EFCAB5: variants seen among roughly 807,000 people sequenced by gnomAD.
EFCAB5 encodes EF-hand calcium-binding domain-containing protein 5.
A neutral mutation model predicts 167.9 loss-of-function variants in EFCAB5; 131 were observed. That is an observed-to-expected ratio of 0.78 (90% CI 0.68 to 0.90). EFCAB5 has a LOEUF of 0.90. Ranked by LOEUF, EFCAB5 falls within the 40% of genes least tolerant of loss-of-function variation. The probability of loss-of-function intolerance (pLI) is 0.00; values close to 1 mark genes in which losing one functional copy is unlikely to be tolerated. For synonymous variants in EFCAB5, 574 were observed against 602.8 expected (o/e 0.95, Z 0.70); for missense variants, 1,663 against 1,745.2 (o/e 0.95, Z 0.84).
chr17:30,090,256 C>A, intron 19 of EFCAB5, 165 bp from the exon 20 acceptor site: 1 of 875,998 alleles, frequency 1.1e-6, no homozygotes, highest in Admixed American at 3.1e-5. Context: ...AAACAGACAG[C>A]CATGTGAAAT....
Position 30,092,812 on chromosome 17 carries a change from T to C in EFCAB5, c.4225-28T>C, listed in dbSNP as rs778769804. 6.5e-6 allele frequency: 10 copies of C among 1,547,192 alleles called. No homozygotes were observed. The Admixed American group carries it at 1.8e-4, about 27-fold the overall frequency. On this transcript the variant is annotated intron_variant, in intron 21 of 22. Coordinates refer to ENST00000394835, the MANE Select transcript of EFCAB5 (RefSeq NM_198529.4). ...GTATTTCTGCTTCCTGGTGATCCCA[T>C]AAATTTTCTCTTGTTGTTTGTTCAC...
intron 3 of EFCAB5, among the ~76,000 whole-genome samples, chr17:29,951,513 A>ATT (rs113648292): frequency 2.9e-4 from 42 of 143,898 alleles, no homozygotes; most frequent in African/African-American, 2.9e-4. Context: ...AATTTTTTGT[A>ATT]TTTTTTTTTT....
chr17:30,017,382 T>C (rs1437152771), intron 7 of EFCAB5, among the ~76,000 whole-genome samples: 1 of 152,222 alleles, frequency 6.6e-6, no homozygotes, highest in Non-Finnish European at 1.5e-5. Context: ...AAGATGAGAA[T>C]TTTTAAATCA....
chr17:29,974,606 CT>C (rs2068027139), intron 4 of EFCAB5, among the ~76,000 whole-genome samples: 1 of 151,194 alleles, frequency 6.6e-6, no homozygotes, highest in Admixed American at 6.6e-5. Context: ...ATGCAAAAAA[CT>C]AGAAAAAAAC....
chr17:29,994,167 T>TATATAC lies in EFCAB5; in HGVS notation c.924+851_924+852insCATATA, dbSNP rs1555554318. Among the ~76,000 whole-genome samples, 425 of 132,208 alleles carry TATATAC rather than the reference T, an allele frequency of 3.2e-3. 3 individuals carry two copies. Among genetic ancestry groups the TATATAC allele is most frequent in the Non-Finnish European group, 5.8e-3 (354 of 61,488 alleles). 86.7% of individuals were successfully genotyped at this position (132,208 alleles called of 152,430 possible). ...ATATATATATATATATATATATATATATATATATATGTGATATATATATCA... is the reference window on the plus strand; with the variant it reads ...ATATATATATATATATATATATATATATATACATATATATATGTGATATATATATCA... On this transcript the variant is annotated intron_variant, in intron 5 of 22. Coordinates refer to ENST00000394835, the MANE Select transcript of EFCAB5 (RefSeq NM_198529.4).
intron 18 of EFCAB5, among the ~76,000 whole-genome samples, chr17:30,085,524 T>A (rs572869271): frequency 4.6e-5 from 7 of 152,026 alleles, no homozygotes; most frequent in African/African-American, 1.7e-4. Context: ...ATCGAGACCA[T>A]CCTGGCTAAC....
chr17:30,030,155 T>C (rs540296585), intron 7 of EFCAB5, among the ~76,000 whole-genome samples: 1 of 152,246 alleles, frequency 6.6e-6, no homozygotes, highest in Non-Finnish European at 1.5e-5. Flanking sequence ...TGTAATTATC[T>C]GGAATTTGAT....
At chr17:30,017,470 A>G (rs1346986650) in intron 7 of EFCAB5, among the ~76,000 whole-genome samples, 1 of 152,200 alleles carries the variant, frequency 6.6e-6, no homozygotes. Flanking sequence ...TAGCAAGTAG[A>G]TGATCATAAA....
rs568957944 is a variant in EFCAB5 at position 30,013,844 on chromosome 17, G to A, written c.1044+13868G>A. Among the ~76,000 whole-genome samples, 36 of 152,272 alleles carry A rather than the reference G, an allele frequency of 2.4e-4. 2 individuals are homozygous for A. In the South Asian group the frequency reaches 5.8e-3, roughly 25 times the overall value. On this transcript the variant is annotated intron_variant, in intron 7 of 22. Coordinates refer to ENST00000394835, the MANE Select transcript of EFCAB5 (RefSeq NM_198529.4). ...CTTAGCTATTTCTTGCCTTCTGCTAGCTTTTGAATTTGTTTGCTCTTGCTT... is the reference window on the plus strand; with the variant it reads ...CTTAGCTATTTCTTGCCTTCTGCTAACTTTTGAATTTGTTTGCTCTTGCTT...
At chr17:30,057,972 C>A in intron 13 of EFCAB5, 82 bp downstream of exon 13, 1 of 1,304,876 alleles carries the variant, frequency 7.7e-7, no homozygotes, top group South Asian at 1.4e-5. Flanking sequence ...CCCGATGTGG[C>A]TCGTGTTAAA....
intron 1 of EFCAB5, among the ~76,000 whole-genome samples, chr17:29,933,235 G>A (rs1597543509): frequency 2.0e-5 from 3 of 152,164 alleles, no homozygotes; most frequent in South Asian, 4.1e-4. Flanking sequence ...GTCTATATAC[G>A]TACAAAGTTC....
chr17:29,992,725 A>C (rs1298509050), intron 4 of EFCAB5, among the ~76,000 whole-genome samples: 1 of 152,258 alleles, frequency 6.6e-6, no homozygotes, highest in Non-Finnish European at 1.5e-5. Context: ...TCACTTGGCT[A>C]TTATGAATAG....
chr17:30,059,615 A>T lies in EFCAB5; in HGVS notation c.2651A>T (p.Asp884Val), dbSNP rs150817681. 1.5e-4 allele frequency: 244 copies of T among 1,612,314 alleles called. No homozygotes were observed. Among genetic ancestry groups the T allele is most frequent in the Non-Finnish European group, 3.6e-5 (42 of 1,178,712 alleles). Reference protein sequence around the residue: ...LEAIFQKWDSDGSGFLDLKEV... With the variant: ...LEAIFQKWDSVGSGFLDLKEV... ...GCCATCTTTCAGAAGTGGGACAGTG[A>T]TGGCTCAGGCTTCCTGGATCTGAAG... The change falls in exon 14 of 23, where the codon GAT (aspartate) becomes GTT (valine). Residue 884 changes from aspartate (D) to valine (V), a missense_variant. Coordinates refer to ENST00000394835, the MANE Select transcript of EFCAB5 (RefSeq NM_198529.4).
chr17:30,096,312 A>G (rs2151853758), intron 22 of EFCAB5, among the ~76,000 whole-genome samples: 1 of 152,350 alleles, frequency 6.6e-6, no homozygotes, highest in Non-Finnish European at 1.5e-5. Context: ...AAGAGGAACA[A>G]CTAAATACAG....
chr17:30,056,302 C>A, intron 12 of EFCAB5, 146 bp downstream of exon 12: 1 of 709,480 alleles, frequency 1.4e-6, no homozygotes, highest in Non-Finnish European at 2.3e-6. Context: ...GCTGGTGAAT[C>A]TAAATATATA....
rs2071019205 is a variant in EFCAB5 at position 30,082,975 on chromosome 17, T to C, written c.3511T>C (p.Trp1171Arg). Reference sequence around the variant, plus strand: ...GCATATTGTGATCACTGGCATAGGCTGGCTTTATGACGTCACATCCAGCAT... The same window carrying C: ...GCATATTGTGATCACTGGCATAGGCCGGCTTTATGACGTCACATCCAGCAT... Reference protein sequence around the residue: ...ILHIVITGIGWLYDVTSSITS... With the variant: ...ILHIVITGIGRLYDVTSSITS... Residue 1171 changes from tryptophan (W) to arginine (R), a missense_variant, in exon 18 of 23, where the codon TGG becomes CGG. By Grantham distance (101) the Trp-to-Arg change is moderately radical (BLOSUM62 -3). Transcript: ENST00000394835. 1 of 1,613,920 alleles carries C rather than the reference T, an allele frequency of 6.2e-7. No individual in the cohort carries two copies. Among genetic ancestry groups the C allele is most frequent in the Non-Finnish European group, 8.5e-7 (1 of 1,179,906 alleles).
rs1384369953 is a variant in EFCAB5, at chr17:30,097,023, TACATATACATATACATATACATATAC to T, written c.4321+4089_4321+4114del. ...ATACATATACATATACATATACATA[TACATATACATATACATATACATATAC>T]ATATATATATATTTTTTTTTTTTTG... On this transcript the variant is annotated intron_variant, in intron 22 of 22. Transcript: ENST00000394835. 2.9e-3 allele frequency among the ~76,000 whole-genome samples: 343 copies of T among 119,714 alleles called. 2 individuals carry two copies. Among genetic ancestry groups the T allele is most frequent in the African/African-American group, 6.5e-3 (166 of 25,722 alleles). 78.5% of individuals were successfully genotyped at this position (119,714 alleles called of 152,430 possible). A position where few individuals can be genotyped will look rare whatever the true frequency, so the allele number is the denominator to read the frequency against.
Position 30,080,927 on chromosome 17 carries a change from T to G in EFCAB5, c.3372T>G (p.Leu1124=), listed in dbSNP as rs1320235637. Residue 1124 remains leucine (L), a synonymous_variant, in exon 17 of 23, where the codon CTT becomes CTG. Transcript: ENST00000394835. ...RIFGVLAVDT[L]RDPHEINIFL... is the part of the protein sequence containing the mutation. ...TTGGGGTCTTGGCTGTTGATACCCT[T>G]AGAGATCCCCACGAAATAAACATCT... 1 of 1,613,518 alleles carries G rather than the reference T, an allele frequency of 6.2e-7. No homozygotes were observed. The highest frequency in any genetic ancestry group is 1.7e-5 in the Admixed American group (1 of 59,996).
At chr17:30,042,654 A>G (rs935208468) in intron 8 of EFCAB5, among the ~76,000 whole-genome samples, 2 of 152,208 alleles carry the variant, frequency 1.3e-5, no homozygotes, top group Non-Finnish European at 2.9e-5. Context: ...ACTAAAAAAA[A>G]GTTCCACAAA....
Sources: gnomAD v4.1 joint callset for allele counts (sites outside exome capture counted in the v4.1 genomes callset) on GRCh38, gnomAD v4.1.1 for gene constraint, MANE v1.5 for transcripts, NCBI Gene and HGNC (gene_info 2026-07-23, HGNC 2026-07-21) for gene names.